The following KIF18B variants were observed in gnomAD, a reference collection of about 807,000 sequenced individuals.
KIF18B encodes the protein kinesin family member 18B.
Under a neutral mutation model 80.9 loss-of-function variants are expected in KIF18B, and 49 were observed. The ratio of observed to expected loss-of-function variants is 0.61; its 90% CI spans 0.48 to 0.77. The LOEUF (loss-of-function observed/expected upper bound fraction) is 0.77. Among genes scored for constraint, KIF18B ranks in the 30% least tolerant of loss-of-function variants. The pLI, the probability that KIF18B is intolerant of heterozygous loss-of-function variation, is 0.00. For synonymous variants in KIF18B, 439 were observed against 463.9 expected, an observed-to-expected ratio of 0.95 and a Z score of 0.69; for missense variants, 994 against 1,127.7, an observed-to-expected ratio of 0.88 and a Z score of 1.70.
chr17:44,931,494 T>C (rs1234465938), intron 11 of KIF18B, 108 bp downstream of exon 11: 21 of 1,441,700 alleles, frequency 1.5e-5, no homozygotes, highest in Non-Finnish European at 1.7e-5. Flanking sequence ...ACAGTGCTGA[T>C]GAAGAGACAG....
chr17:44,935,444 C>T (rs1013969631), intron 2 of KIF18B, 28 bp from the exon 3 acceptor site: 1 of 1,563,056 alleles, frequency 6.4e-7, no homozygotes, highest in African/African-American at 1.4e-5. Context: ...AGGAGGAGGA[C>T]CCCAGTGCCT....
intron 1 of KIF18B, among the ~76,000 whole-genome samples, chr17:44,943,352 G>A (rs1187712307): frequency 6.6e-6 from 1 of 152,020 alleles, no homozygotes; most frequent in African/African-American, 2.4e-5. Context: ...CACCCGCCTC[G>A]GCCTCCCAAA....
intron 1 of KIF18B, among the ~76,000 whole-genome samples, chr17:44,945,487 C>T (rs72828822): frequency 0.04 from 6,019 of 152,260 alleles, 151 homozygotes; most frequent in South Asian, 0.071. Flanking sequence ...CTATAAGTTG[C>T]CCTCTAAGTA....
chr17:44,935,276 G>A lies in KIF18B; in HGVS notation c.454C>T (p.Leu152Phe), dbSNP rs745726838. The A allele has an allele frequency of 2.5e-6, 4 of 1,607,942 alleles. No homozygotes were observed. Among genetic ancestry groups the A allele is most frequent in the African/African-American group, 2.7e-5 (2 of 74,754 alleles). ...ARQQEKHFEV[L>F]ISYQEVYNEQ... is the part of the protein sequence containing the mutation. ...CAGCCGACCTCCTGGTAGCTGATGA[G>A]CACCTCGAAGTGCTTCTCCTGCTGG... Residue 152 changes from leucine (L) to phenylalanine (F), a missense_variant, in exon 3 of 16, where the codon CTC becomes TTC. Transcript: ENST00000593135.
rs61739617 is a variant in KIF18B, at chr17:44,927,068, G to A, written c.2287C>T (p.Pro763Ser). Residue 763 changes from proline to serine, a missense_variant, in exon 14 of 16, where the codon CCC becomes TCC. Transcript: ENST00000593135. The surrounding 1 kb of genome is among the most constrained non-coding windows in gnomAD (Gnocchi z 4.1). ...TTGGGGCCCTTCATGGTGAACAGGG[G>A]CACAGGTGCCCTGGGGAGGGAGGAC... ...DQPFIPRAPV[P>S]LFTMKGPKPT... The A allele has an allele frequency of 0.07, 112,928 of 1,609,566 alleles. 4,701 individuals are homozygous for A. Among genetic ancestry groups the A allele is most frequent in the Non-Finnish European group, 0.085 (99,871 of 1,177,402 alleles).
At chr17:44,943,202 C>A (rs2052450811) in intron 1 of KIF18B, among the ~76,000 whole-genome samples, 1 of 152,074 alleles carries the variant, frequency 6.6e-6, no homozygotes, top group African/African-American at 2.4e-5. Flanking sequence ...TGGGTTCATG[C>A]CATTCTCCTG....
intron 1 of KIF18B, among the ~76,000 whole-genome samples, chr17:44,945,744 A>G (rs2052499401): frequency 6.6e-6 from 1 of 151,432 alleles, no homozygotes; most frequent in African/African-American, 2.4e-5. Flanking sequence ...ATCCCGACTA[A>G]AAATACAAAA....
intron 1 of KIF18B, among the ~76,000 whole-genome samples, chr17:44,946,830 C>G (rs1015338824): frequency 6.6e-6 from 1 of 152,078 alleles, no homozygotes; most frequent in African/African-American, 2.4e-5. Flanking sequence ...TTCATTCAAT[C>G]AAACATTTGG....
rs187302705 is a variant in KIF18B at position 44,926,918 on chromosome 17, G to T, written c.2366+71C>A. On this transcript the variant is annotated intron_variant, in intron 14 of 15. Coordinates refer to ENST00000593135, the MANE Select transcript of KIF18B (RefSeq NM_001265577.2). ...ACAGAGACACTGGGGGCCCAGAGTC[G>T]GCCCAGGTGTCTACTGCCCTGGTGA... 32 of 1,339,128 alleles carry T rather than the reference G, an allele frequency of 2.4e-5. No homozygotes were observed. The East Asian group carries it at 7.7e-4, about 32-fold the overall frequency. 83.0% of individuals were successfully genotyped at this position (1,339,128 alleles called of 1,614,324 possible). A position where few individuals can be genotyped will look rare whatever the true frequency, so the allele number is the denominator to read the frequency against.
chr17:44,936,446 C>T, intron 1 of KIF18B, 88 bp from the exon 2 acceptor site: 1 of 1,059,706 alleles, frequency 9.4e-7, no homozygotes, highest in Non-Finnish European at 1.3e-6. Flanking sequence ...CCTCCACCCA[C>T]TCCCAATGAC....
rs1175399898 is a variant in KIF18B at position 44,927,339 on chromosome 17, T to G, written c.2277-261A>C. 6.6e-6 allele frequency among the ~76,000 whole-genome samples: 1 copy of G among 152,162 alleles called. No individual in the cohort carries two copies. The highest frequency in any genetic ancestry group is 6.5e-5 in the Admixed American group (1 of 15,286). On this transcript the variant is annotated intron_variant, in intron 13 of 15. Coordinates refer to ENST00000593135, the MANE Select transcript of KIF18B (RefSeq NM_001265577.2). The surrounding 1 kb of genome is among the most constrained non-coding windows in gnomAD (Gnocchi z 4.1). ...GTTCAAACAATTTCACCCTTCCACC[T>G]GCCCAGCTCTGCGCTTGTTACCGAG...
intron 1 of KIF18B, among the ~76,000 whole-genome samples, chr17:44,939,806 C>T (rs1408259313): frequency 6.6e-6 from 1 of 151,942 alleles, no homozygotes; most frequent in African/African-American, 2.4e-5. Flanking sequence ...TATGAATAGG[C>T]TCCTTATTTT....
intron 8 of KIF18B, 68 bp downstream of exon 8, chr17:44,932,844 C>T (rs944123156): frequency 3.4e-5 from 54 of 1,575,998 alleles, no homozygotes; most frequent in African/African-American, 3.2e-4. Context: ...ACAGAGCCCC[C>T]GCCACACCCT....
chr17:44,930,840 C>G (rs1395611192), intron 11 of KIF18B, among the ~76,000 whole-genome samples: 1 of 152,132 alleles, frequency 6.6e-6, no homozygotes, highest in African/African-American at 2.4e-5. Context: ...GGGCCCTGGG[C>G]AGGACCTGAT....
In KIF18B at chr17:44,934,571, C is replaced by T. The variant is rs201930866; in HGVS notation, c.623G>A (p.Arg208His). The change falls in exon 5 of 16, where the codon CGT becomes CAT. Residue 208 changes from arginine to histidine, a missense_variant. Coordinates refer to ENST00000593135, the MANE Select transcript of KIF18B (RefSeq NM_001265577.2). The surrounding 1 kb of genome is among the most constrained non-coding windows in gnomAD (Gnocchi z 5.4). ...ATCAGTGGGGTGCTGCGTGCGGTTA[C>T]GGTTCCCCCTGGTCAGTATCTCCAG... ...QLLEILTRGNRNRTQHPTDAN... is the reference protein window; with the variant it reads ...QLLEILTRGNHNRTQHPTDAN... The T allele has an allele frequency of 3.2e-5, 51 of 1,612,712 alleles. No homozygotes were observed. The highest frequency in any genetic ancestry group is 2.0e-4 in the Admixed American group (12 of 59,894).
intron 1 of KIF18B, among the ~76,000 whole-genome samples, chr17:44,939,366 CAAAAAAAAAAA>C (rs781348504): frequency 2.4e-4 from 9 of 36,942 alleles, no homozygotes; most frequent in Admixed American, 1.3e-3. Flanking sequence ...GACTCCATCT[CAAAAAAAAAAA>C]AAAAAAAAAA....
At position 44,925,516 on chromosome 17, in the gene KIF18B, C is replaced by T. The variant is rs768024068; in HGVS notation, c.*564G>A. ...GCAACACGGGCCAGGCGTGGTAGCT[C>T]ATGCCTGTAATCTCAGCACTTTGGG... On this transcript the variant is annotated 3_prime_UTR_variant, in exon 16 of 16. Coordinates refer to ENST00000593135, the MANE Select transcript of KIF18B (RefSeq NM_001265577.2). The T allele has an allele frequency of 6.3e-6, 1 of 159,404 alleles. No homozygotes were observed. Among genetic ancestry groups the T allele is most frequent in the Non-Finnish European group, 1.3e-5 (1 of 74,186 alleles). 9.9% of individuals were successfully genotyped at this position (159,404 alleles called of 1,614,324 possible).
chr17:44,935,049 T>C, intron 3 of KIF18B, 114 bp from the exon 4 acceptor site: 1 of 904,368 alleles, frequency 1.1e-6, no homozygotes, highest in South Asian at 1.7e-5. Flanking sequence ...CCCACAGAAG[T>C]GGCGCTTCCC....
intron 1 of KIF18B, among the ~76,000 whole-genome samples, chr17:44,943,628 T>C (rs1291641525): frequency 1.3e-5 from 2 of 152,254 alleles, no homozygotes; most frequent in Non-Finnish European, 2.9e-5. Context: ...AGGAAATTTG[T>C]CTCCATTTCT....
Sources: gnomAD v4.1 joint callset for allele counts (sites outside exome capture counted in the v4.1 genomes callset) on GRCh38, gnomAD v4.1.1 for gene constraint, Gnocchi (gnomAD v3.1) non-coding constraint, MANE v1.5 for transcripts, NCBI Gene and HGNC (gene_info 2026-07-23, HGNC 2026-07-21) for gene names.